Variants in MGMT observed in about 807,000 individuals in gnomAD.
MGMT encodes the protein methylated-DNA--protein-cysteine methyltransferase.
A neutral mutation model predicts 15.9 loss-of-function variants in MGMT; 14 were observed. The observed-to-expected ratio is 0.88, with a 90% CI of 0.58 to 1.37. The LOEUF is 1.37. MGMT is among the 40% of genes most tolerant of loss of function. The pLI is 0.00. For synonymous variants in MGMT, 130 were observed against 118.2 expected, an observed-to-expected ratio of 1.10 and a Z score of -0.65; for missense variants, 282 against 268.1, an observed-to-expected ratio of 1.05 and a Z score of -0.36.
intron 2 of MGMT, among the ~76,000 whole-genome samples, chr10:129,639,575 A>G (rs1847303480): frequency 6.6e-6 from 1 of 152,244 alleles, no homozygotes; most frequent in African/African-American, 2.4e-5. Context: ...AATATTTGAA[A>G]GTTCTTAGTA....
intron 2 of MGMT, among the ~76,000 whole-genome samples, chr10:129,651,091 C>T (rs1016043522): frequency 1.9e-4 from 29 of 152,152 alleles, no homozygotes; most frequent in Non-Finnish European, 4.4e-5. Context: ...TATTTGCTCC[C>T]ACATGCTGTC....
At chr10:129,599,854 C>T (rs1041253266) in intron 2 of MGMT, among the ~76,000 whole-genome samples, 3 of 152,136 alleles carry the variant, frequency 2.0e-5, no homozygotes, top group Non-Finnish European at 2.9e-5. Flanking sequence ...AGTGACAGAG[C>T]AACTTAATTG....
Position 129,519,637 on chromosome 10 carries a change from T to C in MGMT, c.-12-16604T>C, listed in dbSNP as rs61751864. Among the ~76,000 whole-genome samples, 501 of 152,322 alleles carry C rather than the reference T, an allele frequency of 3.3e-3. 1 individual carries two copies. The highest frequency in any genetic ancestry group is 0.011 in the African/African-American group (475 of 41,584). Reference sequence around the variant, plus strand: ...GGAACGTGTCTGGAACACCAGGCTCTTCCATTCGGGACACTGAGTCATAAA... The same window carrying C: ...GGAACGTGTCTGGAACACCAGGCTCCTCCATTCGGGACACTGAGTCATAAA... On this transcript the variant is annotated intron_variant, in intron 1 of 4. Transcript: ENST00000651593.
intron 1 of MGMT, among the ~76,000 whole-genome samples, chr10:129,522,089 G>A (rs1845817579): frequency 6.7e-6 from 1 of 148,406 alleles, no homozygotes; most frequent in Non-Finnish European, 1.5e-5. Context: ...ACGTAATGGA[G>A]AAGAATTGGG....
chr10:129,611,007 C>G (rs1367796616), intron 2 of MGMT, among the ~76,000 whole-genome samples: 1 of 152,180 alleles, frequency 6.6e-6, no homozygotes, highest in Non-Finnish European at 1.5e-5. Flanking sequence ...GCCTCTAATT[C>G]TGGCTTAAAC....
At chr10:129,691,365 G>A (rs1385286922) in intron 2 of MGMT, among the ~76,000 whole-genome samples, 4 of 152,226 alleles carry the variant, frequency 2.6e-5, no homozygotes, top group Non-Finnish European at 1.5e-5. Flanking sequence ...GCTGGCAACA[G>A]GACTTGGGAG....
chr10:129,537,367 A>T (rs1011675751), intron 2 of MGMT, among the ~76,000 whole-genome samples: 1 of 152,204 alleles, frequency 6.6e-6, no homozygotes, highest in Non-Finnish European at 1.5e-5. Flanking sequence ...TGCACGTTAC[A>T]ATCAATATAG....
intron 2 of MGMT, among the ~76,000 whole-genome samples, chr10:129,676,712 CAT>C (rs1157890320): frequency 6.6e-6 from 1 of 152,048 alleles, no homozygotes; most frequent in African/African-American, 2.4e-5. Flanking sequence ...AGAAAAAGCA[CAT>C]GAGGAAATGA....
At chr10:129,628,990 A>G (rs1221648723) in intron 2 of MGMT, among the ~76,000 whole-genome samples, 1 of 152,138 alleles carries the variant, frequency 6.6e-6, no homozygotes, top group African/African-American at 2.4e-5. Context: ...TCCCGGGGGA[A>G]CCCATGTGGG....
rs1847570453 is a variant in MGMT, at chr10:129,659,405, T to G, written c.126-48490T>G. On this transcript the variant is annotated intron_variant, in intron 2 of 4. Transcript: ENST00000651593. This position sits in a 1 kb window ranked among gnomAD's most constrained non-coding sequence, Gnocchi z 4.1. Reference sequence around the variant, plus strand: ...CAGATGTAGCTGTCTCTGCCTGGGTTGTTTTCTAAATGCGTTTGGCTGGAG... The same window carrying G: ...CAGATGTAGCTGTCTCTGCCTGGGTGGTTTTCTAAATGCGTTTGGCTGGAG... 6.6e-6 allele frequency among the ~76,000 whole-genome samples: 1 copy of G among 151,338 alleles called. No individual in the cohort carries two copies. Among genetic ancestry groups the G allele is most frequent in the African/African-American group, 2.4e-5 (1 of 41,046 alleles).
intron 1 of MGMT, among the ~76,000 whole-genome samples, chr10:129,492,521 G>A (rs543749529): frequency 2.0e-4 from 31 of 152,238 alleles, no homozygotes; most frequent in Admixed American, 7.2e-4. Flanking sequence ...GCTCATGAAC[G>A]CAGCCCCATA....
chr10:129,728,568 G>A (rs931759843), intron 3 of MGMT, among the ~76,000 whole-genome samples: 4 of 152,062 alleles, frequency 2.6e-5, no homozygotes, highest in Non-Finnish European at 4.4e-5. Flanking sequence ...CTCATGGCCC[G>A]CTGTGTGGCA....
At chr10:129,726,375 A>G (rs1161538788) in intron 3 of MGMT, among the ~76,000 whole-genome samples, 1 of 152,106 alleles carries the variant, frequency 6.6e-6, no homozygotes, top group Non-Finnish European at 1.5e-5. Flanking sequence ...GTCCTTGGGA[A>G]CACGAGCTGG....
chr10:129,761,546 A>T (rs12243174), intron 4 of MGMT, among the ~76,000 whole-genome samples: 29,051 of 152,200 alleles, frequency 0.19, 3,528 homozygotes, highest in Admixed American at 0.32. Context: ...TCTGCAAACC[A>T]GCGTGACTCT....
chr10:129,762,544 A>G (rs1219345212), intron 4 of MGMT, among the ~76,000 whole-genome samples: 1 of 152,116 alleles, frequency 6.6e-6, no homozygotes, highest in Non-Finnish European at 1.5e-5. Flanking sequence ...ACTCAGCGGG[A>G]GAGGATGGTC....
intron 4 of MGMT, among the ~76,000 whole-genome samples, chr10:129,761,547 G>A (rs1848873598): frequency 6.6e-6 from 1 of 152,198 alleles, no homozygotes. Context: ...CTGCAAACCA[G>A]CGTGACTCTC....
intron 2 of MGMT, 143 bp from the exon 3 acceptor site, chr10:129,707,752 T>C: frequency 1.8e-6 from 2 of 1,137,398 alleles, no homozygotes; most frequent in East Asian, 2.4e-5. Flanking sequence ...CAGTCCCCCT[T>C]TCTGCTGCAC....
chr10:129,484,652 G>C (rs1389343727), intron 1 of MGMT, among the ~76,000 whole-genome samples: 1 of 152,156 alleles, frequency 6.6e-6, no homozygotes, highest in South Asian at 2.1e-4. Flanking sequence ...TCTCATGTGT[G>C]TGTGTTTTAA....
At chr10:129,516,200 C>T (rs968494543) in intron 1 of MGMT, among the ~76,000 whole-genome samples, 1 of 152,196 alleles carries the variant, frequency 6.6e-6, no homozygotes, top group Non-Finnish European at 1.5e-5. Flanking sequence ...AGCCCAGGCC[C>T]TTTCTGTCTT....
Sources: gnomAD v4.1 joint callset for allele counts (sites outside exome capture counted in the v4.1 genomes callset) on GRCh38, gnomAD v4.1.1 for gene constraint, Gnocchi (gnomAD v3.1) non-coding constraint, MANE v1.5 for transcripts, NCBI Gene and HGNC (gene_info 2026-07-23, HGNC 2026-07-21) for gene names.